Variants in SLC35B1 observed in about 807,000 individuals in gnomAD.
SLC35B1 encodes ATP/ADP exchanger ER.
In SLC35B1, 27 loss-of-function variants were observed where a neutral mutation model predicts 36.6. That is an observed-to-expected ratio of 0.74 (90% CI 0.54 to 1.02). The LOEUF is 1.02. Among genes scored for constraint, SLC35B1 ranks in the 50% least tolerant of loss-of-function variants. SLC35B1 has a pLI of 0.00. For synonymous variants in SLC35B1, 162 were observed against 152.5 expected (o/e 1.06, Z -0.46); for missense variants, 321 against 383.2 (o/e 0.84, Z 1.35).
chr17:49,703,347 C>A (rs559833075), intron 6 of SLC35B1, 53 bp from the exon 7 acceptor site: 4 of 588,952 alleles, frequency 6.8e-6, no homozygotes, highest in African/African-American at 4.7e-5. Flanking sequence ...ACAAAATGTG[C>A]GCACACACAC....
Position 49,707,807 on chromosome 17 carries a change from G to C in SLC35B1, c.27C>G (p.Pro9=). MASSSSLV[P]DRLRLPLCFL... ...AGCAGAGCGGCAGGCGCAGCCGGTCGGGCACCAGGGAGCTGCTAGAGGCCA... is the reference window on the plus strand; with the variant it reads ...AGCAGAGCGGCAGGCGCAGCCGGTCCGGCACCAGGGAGCTGCTAGAGGCCA... Residue 9 remains proline, a synonymous_variant, in exon 1 of 9, where the codon CCC becomes CCG. Coordinates refer to ENST00000240333, the MANE Select transcript of SLC35B1 (RefSeq NM_005827.4). 1.9e-6 allele frequency: 3 copies of C among 1,611,924 alleles called. No homozygotes were observed. Among genetic ancestry groups the C allele is most frequent in the Non-Finnish European group, 1.7e-6 (2 of 1,179,808 alleles).
chr17:49,707,795 G>C lies in SLC35B1; in HGVS notation c.39C>G (p.Arg13=), dbSNP rs769697330. The change falls in exon 1 of 9, where the codon CGC becomes CGG. Residue 13 remains arginine (R), a synonymous_variant. Transcript: ENST00000240333. ...AGACACCCAGGAAGCAGAGCGGCAG[G>C]CGCAGCCGGTCGGGCACCAGGGAGC... ...SSSSLVPDRL[R]LPLCFLGVFV... is the part of the protein sequence containing the mutation. 6 of 1,611,876 alleles carry C rather than the reference G, an allele frequency of 3.7e-6. No homozygotes were observed. The East Asian group carries it at 1.3e-4, about 36-fold the overall frequency.
intron 2 of SLC35B1, 35 bp downstream of exon 2, chr17:49,706,930 T>C: frequency 2.0e-6 from 3 of 1,479,062 alleles, no homozygotes; most frequent in Non-Finnish European, 2.8e-6. Flanking sequence ...CTTGGGGTGG[T>C]GGGGTACCCA....
chr17:49,701,926 CA>C (rs34701118), intron 8 of SLC35B1: 26,533 of 251,608 alleles, frequency 0.11, 14 homozygotes, highest in Middle Eastern at 0.29. Flanking sequence ...CCCATCGCTA[CA>C]AAAAAAAAAA....
At chr17:49,702,637 C>A in intron 8 of SLC35B1, 3 of 477,340 alleles carry the variant, frequency 6.3e-6, no homozygotes, top group Non-Finnish European at 7.5e-6. Context: ...GATGCTGAGG[C>A]AGGAGAATTG....
chr17:49,701,683 G>A (rs528792010), intron 8 of SLC35B1, 173 bp from the exon 9 acceptor site: 7 of 585,230 alleles, frequency 1.2e-5, no homozygotes, highest in South Asian at 8.6e-5. Flanking sequence ...ATGGCACCAG[G>A]ATACTAGTTA....
At chr17:49,701,669 G>A in intron 8 of SLC35B1, 159 bp from the exon 9 acceptor site, 2 of 604,722 alleles carry the variant, frequency 3.3e-6, no homozygotes, top group South Asian at 4.1e-5. Context: ...TCAGAGACAA[G>A]AGAATGGCAC....
intron 5 of SLC35B1, among the ~76,000 whole-genome samples, chr17:49,704,748 G>A (rs1241531540): frequency 6.6e-6 from 1 of 152,138 alleles, no homozygotes; most frequent in Non-Finnish European, 1.5e-5. Flanking sequence ...AAAACACTCG[G>A]AACAGTGCCT....
intron 8 of SLC35B1, 92 bp from the exon 9 acceptor site, chr17:49,701,602 C>T (rs1276724204): frequency 1.0e-6 from 1 of 956,036 alleles, no homozygotes; most frequent in East Asian, 2.4e-5. Context: ...CCTTGTATCT[C>T]CAAAATGGGG....
rs1219819946 is a variant in SLC35B1 at position 49,703,238 on chromosome 17, C to T, written c.712G>A (p.Ala238Thr). 1 of 1,614,000 alleles carries T rather than the reference C, an allele frequency of 6.2e-7. No homozygotes were observed. The highest frequency in any genetic ancestry group is 1.6e-4 in the Middle Eastern group (1 of 6,062). ...AAGAGCAGGATGTTATAGATGATGG[C>T]AGGGTACCTTTCAGCAAAGCTCAAG... ...EFLSFAERYP[A>T]IIYNILLFGL... The change falls in exon 7 of 9, where the codon GCC becomes ACC. Residue 238 changes from alanine to threonine, a missense_variant. Ala to Thr is a moderately conservative substitution (Grantham distance 58). Transcript: ENST00000240333.
At chr17:49,705,935 G>A in intron 3 of SLC35B1, 39 bp from the exon 4 acceptor site, 1 of 1,603,440 alleles carries the variant, frequency 6.2e-7, no homozygotes, top group South Asian at 1.1e-5. Flanking sequence ...GAGCATCTGT[G>A]ATGTGTCAGG....
rs2073416259 is a variant in SLC35B1 at position 49,706,304 on chromosome 17, T to A, written c.239A>T (p.Asp80Val). ...AGCATAGAGCCAGCTCCGGGTACGATCCACCCTGGCAGTGTCAAAAAACTG... is the reference window on the plus strand; with the variant it reads ...AGCATAGAGCCAGCTCCGGGTACGAACCACCCTGGCAGTGTCAAAAAACTG... Reference protein sequence around the residue: ...LIQFFDTARVDRTRSWLYAAC... With the variant: ...LIQFFDTARVVRTRSWLYAAC... Residue 80 changes from aspartate to valine, a missense_variant, in exon 3 of 9, where the codon GAT becomes GTT. Coordinates refer to ENST00000240333, the MANE Select transcript of SLC35B1 (RefSeq NM_005827.4). The A allele has an allele frequency of 2.7e-6, 4 of 1,462,388 alleles. No homozygotes were observed. The highest frequency in any genetic ancestry group is 2.7e-6 in the Non-Finnish European group (3 of 1,105,080). 90.6% of individuals were successfully genotyped at this position (1,462,388 alleles called of 1,614,324 possible). A position where few individuals can be genotyped will look rare whatever the true frequency, so the allele number is the denominator to read the frequency against.
chr17:49,707,494 C>A (rs1281392057), intron 1 of SLC35B1: 1 of 1,474,944 alleles, frequency 6.8e-7, no homozygotes, highest in African/African-American at 1.4e-5. Context: ...CCCTTAGAAC[C>A]AAGCGGGGAA....
At chr17:49,704,352 G>A (rs904442274) in intron 5 of SLC35B1, 126 bp from the exon 6 acceptor site, 40 of 1,223,102 alleles carry the variant, frequency 3.3e-5, no homozygotes, top group African/African-American at 3.2e-4. Context: ...AGAACAAAAC[G>A]TTGCCATTTG....
chr17:49,704,970 A>T, intron 5 of SLC35B1, 154 bp downstream of exon 5: 1 of 664,484 alleles, frequency 1.5e-6, no homozygotes, highest in Non-Finnish European at 2.6e-6. Context: ...CTATGGCATT[A>T]ATAGAGTCAG....
rs987463526 is a variant in SLC35B1, at chr17:49,701,333, A to G, written c.*125T>C. ...TTTTTAGAATATGTGATTTTGCTTG[A>G]TTTTATTTTATTAAAAAAGACTGGA... is the stretch of plus-strand genomic sequence containing the variant. On this transcript the variant is annotated 3_prime_UTR_variant, in exon 9 of 9. Transcript: ENST00000240333. 5.4e-6 allele frequency: 4 copies of G among 743,838 alleles called. No homozygotes were observed. The highest frequency in any genetic ancestry group is 9.1e-6 in the Non-Finnish European group (4 of 441,416). 46.1% of individuals were successfully genotyped at this position (743,838 alleles called of 1,614,324 possible).
chr17:49,705,741 G>A, intron 4 of SLC35B1, 125 bp downstream of exon 4: 1 of 891,918 alleles, frequency 1.1e-6, no homozygotes. Flanking sequence ...AGGGAGAGCT[G>A]GGGGAAAGTC....
chr17:49,705,814 C>A (rs1197716483), intron 4 of SLC35B1, 52 bp downstream of exon 4: 4 of 1,573,062 alleles, frequency 2.5e-6, no homozygotes, highest in South Asian at 1.1e-5. Context: ...AGAGAGAGAG[C>A]TTACTATAGG....
Position 49,707,917 on chromosome 17 carries a change from CATCG to C in SLC35B1, c.-88_-85del. The C allele has an allele frequency of 5.1e-6, 8 of 1,577,896 alleles. No individual in the cohort carries two copies. Among genetic ancestry groups the C allele is most frequent in the Non-Finnish European group, 6.9e-6 (8 of 1,161,982 alleles). ...GGCGGAGGCGACAGCTCCAGCCGGACATCGCCGACCGGCGGCAGGGGCCTCATAG... is the reference window on the plus strand; with the variant it reads ...GGCGGAGGCGACAGCTCCAGCCGGACCCGACCGGCGGCAGGGGCCTCATAG... On this transcript the variant is annotated 5_prime_UTR_variant, in exon 1 of 9. The change abolishes an upstream ATG in the 5' untranslated region. Coordinates refer to ENST00000240333, the MANE Select transcript of SLC35B1 (RefSeq NM_005827.4).
Sources: allele counts gnomAD v4.1 joint callset (sites outside exome capture counted in the v4.1 genomes callset), GRCh38; gene constraint gnomAD v4.1.1; transcripts MANE v1.5; gene names NCBI Gene and HGNC (gene_info 2026-07-23, HGNC 2026-07-21).